Variants in PSD3 observed in about 807,000 individuals in gnomAD.
PSD3 encodes PH and SEC7 domain-containing protein 3.
In PSD3, 49 loss-of-function variants were observed where a neutral mutation model predicts 105.5. The observed-to-expected ratio is 0.46, with a 90% CI of 0.37 to 0.59. The LOEUF (loss-of-function observed/expected upper bound fraction) is 0.59. PSD3 is among the 20% of genes least tolerant of loss of function. The pLI is 0.00. For missense variants in PSD3, 1,561 were observed against 1,263.8 expected, an observed-to-expected ratio of 1.24 and a Z score of -3.57; for synonymous variants, 557 against 457.8, an observed-to-expected ratio of 1.22 and a Z score of -2.77.
intron 9 of PSD3, among the ~76,000 whole-genome samples, chr8:18,659,979 G>C (rs1247279431): frequency 1.3e-5 from 2 of 152,170 alleles, no homozygotes; most frequent in African/African-American, 4.8e-5. Context: ...TAATGGGACA[G>C]GGCAGCCCAT....
intron 12 of PSD3, among the ~76,000 whole-genome samples, chr8:18,580,885 C>T (rs557453142): frequency 6.6e-6 from 1 of 152,174 alleles, no homozygotes; most frequent in South Asian, 2.1e-4. Context: ...CATGCACTAA[C>T]GAGCCACCTA....
intron 2 of PSD3, among the ~76,000 whole-genome samples, chr8:18,889,441 C>A (rs963783781): frequency 7.9e-5 from 12 of 152,120 alleles, no homozygotes; most frequent in Admixed American, 2.6e-4. Context: ...AGGTAATATT[C>A]CCCCATCCTA....
At chr8:18,554,080 C>G (rs184033986) in intron 15 of PSD3, among the ~76,000 whole-genome samples, 2 of 152,138 alleles carry the variant, frequency 1.3e-5, no homozygotes, top group African/African-American at 4.8e-5. Context: ...GTAGCGCTGT[C>G]GACTCAAAAG....
At chr8:18,917,401 C>G (rs1820695582) in intron 2 of PSD3, among the ~76,000 whole-genome samples, 1 of 152,158 alleles carries the variant, frequency 6.6e-6, no homozygotes, top group Non-Finnish European at 1.5e-5. Flanking sequence ...CATGGCACGA[C>G]ACAGGGGCAA....
chr8:18,824,383 C>A (rs1046557298), intron 4 of PSD3, among the ~76,000 whole-genome samples: 24 of 152,134 alleles, frequency 1.6e-4, no homozygotes, highest in African/African-American at 5.8e-4. Flanking sequence ...GAGGCTCAAG[C>A]CGACCAAAGT....
chr8:19,004,563 A>G (rs571527635), intron 1 of PSD3, among the ~76,000 whole-genome samples: 1 of 152,186 alleles, frequency 6.6e-6, no homozygotes, highest in Non-Finnish European at 1.5e-5. Context: ...CCCAGAATAT[A>G]AAAACAATGC....
chr8:18,865,192 A>C (rs1233361714), intron 4 of PSD3: 1 of 132,182 alleles, frequency 7.6e-6, no homozygotes, highest in African/African-American at 2.8e-5. Context: ...TTTGGGTAAG[A>C]TATCCCACCA....
At chr8:18,567,075 A>T (rs992460214) in intron 14 of PSD3, among the ~76,000 whole-genome samples, 4 of 152,200 alleles carry the variant, frequency 2.6e-5, no homozygotes, top group African/African-American at 4.8e-5. Flanking sequence ...AAAATCAAGG[A>T]AACACTCATA....
chr8:18,752,318 T>A (rs1001241766), intron 9 of PSD3, among the ~76,000 whole-genome samples: 10 of 148,918 alleles, frequency 6.7e-5, no homozygotes, highest in Non-Finnish European at 1.3e-4. Context: ...GAGTATCTGA[T>A]CTGTTCTAAG....
At chr8:18,998,718 A>C (rs1203879880) in intron 1 of PSD3, among the ~76,000 whole-genome samples, 1 of 151,906 alleles carries the variant, frequency 6.6e-6, no homozygotes, top group Non-Finnish European at 1.5e-5. Flanking sequence ...AATGGGTCCC[A>C]AAAGGTCCAC....
intron 1 of PSD3, among the ~76,000 whole-genome samples, chr8:18,949,046 C>A (rs118151079): frequency 6.7e-6 from 1 of 149,652 alleles, no homozygotes; most frequent in Non-Finnish European, 1.5e-5. Context: ...CACGGTGAAA[C>A]CCCGTCTCTA....
intron 1 of PSD3, among the ~76,000 whole-genome samples, chr8:19,064,122 C>T (rs560902288): frequency 1.1e-4 from 17 of 151,880 alleles, no homozygotes; most frequent in East Asian, 5.8e-4. Flanking sequence ...GCCTGAGTGA[C>T]GAAGTGAGAC....
chr8:18,977,069 G>C (rs1824981178), intron 1 of PSD3, among the ~76,000 whole-genome samples: 1 of 152,044 alleles, frequency 6.6e-6, no homozygotes, highest in Admixed American at 6.6e-5. Flanking sequence ...AGACCAGGCT[G>C]GCCAACATGG....
At chr8:18,822,827 A>G (rs976027968) in intron 4 of PSD3, among the ~76,000 whole-genome samples, 10 of 152,170 alleles carry the variant, frequency 6.6e-5, no homozygotes, top group Admixed American at 6.5e-4. Context: ...CATCTTCTCA[A>G]ATAAAAAAAT....
At chr8:18,639,187 C>G (rs1278779612) in intron 10 of PSD3, among the ~76,000 whole-genome samples, 1 of 152,150 alleles carries the variant, frequency 6.6e-6, no homozygotes, top group East Asian at 1.9e-4. Flanking sequence ...AAGGACTATG[C>G]TATACCATGC....
intron 9 of PSD3, among the ~76,000 whole-genome samples, chr8:18,689,755 C>T (rs998634111): frequency 6.6e-6 from 1 of 152,082 alleles, no homozygotes; most frequent in Non-Finnish European, 1.5e-5. Context: ...TCACGTAGCC[C>T]AACATATTCA....
intron 4 of PSD3, among the ~76,000 whole-genome samples, chr8:18,818,809 T>A (rs1016299590): frequency 6.6e-6 from 1 of 152,142 alleles, no homozygotes; most frequent in Non-Finnish European, 1.5e-5. Context: ...TATAATCTTA[T>A]ATTAGTGACA....
chr8:18,893,049 T>G (rs1818915361), intron 2 of PSD3, among the ~76,000 whole-genome samples: 4 of 152,198 alleles, frequency 2.6e-5, no homozygotes, highest in African/African-American at 9.6e-5. Flanking sequence ...TTTTGTGCAC[T>G]ATTGTATCCC....
chr8:18,832,028 A>G (rs970203569), intron 4 of PSD3, among the ~76,000 whole-genome samples: 1 of 152,262 alleles, frequency 6.6e-6, no homozygotes, highest in African/African-American at 2.4e-5. Flanking sequence ...TCACAAAAGC[A>G]AAAACCTTCC....
Sources: gnomAD v4.1 joint callset for allele counts (sites outside exome capture counted in the v4.1 genomes callset) on GRCh38, gnomAD v4.1.1 for gene constraint, MANE v1.5 for transcripts, NCBI Gene and HGNC (gene_info 2026-07-23, HGNC 2026-07-21) for gene names.